Variants in EMC3 observed in about 807,000 individuals in gnomAD.
EMC3 encodes 30 kDa protein.
EMC3 carries 13 observed loss-of-function variants against 36.6 expected under a neutral mutation model. The ratio of observed to expected loss-of-function variants is 0.35; its 90% CI spans 0.23 to 0.56. The LOEUF (loss-of-function observed/expected upper bound fraction) is 0.56, where lower values mean the gene tolerates loss of function less well. EMC3 is among the 20% of genes least tolerant of loss of function. EMC3 has a pLI of 0.84. For missense variants in EMC3, 220 were observed against 324.5 expected (o/e 0.68, Z 2.47); for synonymous variants, 120 against 111.9 (o/e 1.07, Z -0.46).
chr3:9,984,803 A>T (rs1321257475), intron 1 of EMC3, among the ~76,000 whole-genome samples: 1 of 152,200 alleles, frequency 6.6e-6, no homozygotes, highest in Non-Finnish European at 1.5e-5. Flanking sequence ...GAAAAAGCCC[A>T]ATACCCAGAA....
At chr3:10,007,479 T>C (rs756150567) in intron 1 of EMC3, 23 of 1,367,638 alleles carry the variant, frequency 1.7e-5, no homozygotes, top group Non-Finnish European at 2.2e-5. Context: ...TAGTGTGGCA[T>C]TGGCCTTTCT....
chr3:9,979,163 A>G (rs1434268415), intron 1 of EMC3, among the ~76,000 whole-genome samples: 1 of 152,154 alleles, frequency 6.6e-6, no homozygotes, highest in Non-Finnish European at 1.5e-5. Context: ...CATGTAATAC[A>G]TTCTGCTCCC....
intron 1 of EMC3, among the ~76,000 whole-genome samples, chr3:9,982,170 G>A (rs769812215): frequency 1.5e-4 from 22 of 151,536 alleles, no homozygotes; most frequent in Middle Eastern, 6.8e-3. Context: ...GCCTTGTCTC[G>A]AACTCCTGAC....
intron 1 of EMC3, among the ~76,000 whole-genome samples, chr3:10,008,028 G>T (rs1360846469): frequency 4.6e-5 from 7 of 152,098 alleles, no homozygotes; most frequent in African/African-American, 7.2e-5. Flanking sequence ...TCCACATTGG[G>T]GATGAAGGTC....
intron 1 of EMC3, among the ~76,000 whole-genome samples, chr3:9,985,254 G>A (rs1325426842): frequency 6.6e-6 from 1 of 152,204 alleles, no homozygotes; most frequent in Non-Finnish European, 1.5e-5. Flanking sequence ...CTTAAGTACA[G>A]TAGAAACAAA....
At chr3:9,965,276 GGT>G (rs1411583450) in intron 7 of EMC3, among the ~76,000 whole-genome samples, 1 of 151,876 alleles carries the variant, frequency 6.6e-6, no homozygotes, top group Admixed American at 6.6e-5. Context: ...TGGGTGTGGT[GGT>G]GTGTGCCTGT....
intron 1 of EMC3, among the ~76,000 whole-genome samples, chr3:9,978,946 C>T (rs929254564): frequency 6.6e-6 from 1 of 152,234 alleles, no homozygotes; most frequent in Non-Finnish European, 1.5e-5. Context: ...CCCTGTCACA[C>T]TACACATATT....
At chr3:9,978,586 C>T (rs1325567705) in intron 1 of EMC3, among the ~76,000 whole-genome samples, 1 of 152,072 alleles carries the variant, frequency 6.6e-6, no homozygotes, top group Non-Finnish European at 1.5e-5. Context: ...AATCCCAGCA[C>T]TTTGGGAGGC....
At chr3:9,999,667 TCA>T (rs2124935388) in intron 1 of EMC3, among the ~76,000 whole-genome samples, 1 of 152,228 alleles carries the variant, frequency 6.6e-6, no homozygotes, top group East Asian at 1.9e-4. Flanking sequence ...CCATTCCCAA[TCA>T]CAAATACGCA....
intron 1 of EMC3, among the ~76,000 whole-genome samples, chr3:9,992,435 C>G (rs573920200): frequency 1.2e-3 from 190 of 152,254 alleles, no homozygotes; most frequent in African/African-American, 4.3e-3. Context: ...CTGGCTTATC[C>G]TTTTTGATGA....
chr3:9,983,180 T>C, intron 1 of EMC3, among the ~76,000 whole-genome samples: 1 of 151,722 alleles, frequency 6.6e-6, no homozygotes, highest in East Asian at 1.9e-4. Context: ...CAGAGCCTCC[T>C]TCTGTGGCCC....
intron 1 of EMC3, among the ~76,000 whole-genome samples, chr3:10,005,853 G>A (rs1038773306): frequency 6.6e-6 from 1 of 152,162 alleles, no homozygotes; most frequent in African/African-American, 2.4e-5. Flanking sequence ...GAGAGGAAGT[G>A]CTCCACCATC....
chr3:9,998,462 C>T (rs1268268413), intron 1 of EMC3, among the ~76,000 whole-genome samples: 2 of 149,280 alleles, frequency 1.3e-5, no homozygotes, highest in African/African-American at 4.9e-5. Context: ...TAGGATCTTG[C>T]TCTGTCACCC....
chr3:10,005,649 A>G (rs532328621), intron 1 of EMC3, among the ~76,000 whole-genome samples: 1 of 152,280 alleles, frequency 6.6e-6, no homozygotes, highest in Admixed American at 6.5e-5. Flanking sequence ...ACTGTAACTG[A>G]TGAAAAATCC....
In EMC3 at chr3:9,984,222, C is replaced by T. The variant is rs561630288; in HGVS notation, c.155+2285G>A. 4.9e-4 allele frequency among the ~76,000 whole-genome samples: 74 copies of T among 152,138 alleles called. 1 individual carries two copies. In the South Asian group the frequency reaches 0.01, roughly 21 times the overall value. On this transcript the variant is annotated intron_variant, in intron 1 of 7. Coordinates refer to ENST00000245046, the MANE Select transcript of EMC3 (RefSeq NM_001394674.1). The stretch of plus-strand genomic sequence containing the variant: ...TCAGCCTCCCGAGTAGCTGGGACTA[C>T]AGGCACGTGCCATCACGCCCAGCTA...
At chr3:9,977,507 G>A in intron 1 of EMC3, 61 bp from the exon 2 acceptor site, 1 of 1,485,258 alleles carries the variant, frequency 6.7e-7, no homozygotes, top group Admixed American at 1.8e-5. Flanking sequence ...GAAAATGGGA[G>A]AGTCAAGTAG....
chr3:9,969,490 G>T, intron 7 of EMC3: 1 of 1,418,418 alleles, frequency 7.1e-7, no homozygotes, highest in South Asian at 1.5e-5. Flanking sequence ...TGATAGTGTG[G>T]ATTAAATTCC....
chr3:10,008,153 C>T (rs560741449), intron 1 of EMC3: 5 of 325,356 alleles, frequency 1.5e-5, no homozygotes, highest in South Asian at 1.2e-4. Context: ...TCTGTCCCTC[C>T]ACCTTGCTGC....
Position 9,962,992 on chromosome 3 carries a change from T to C in EMC3, c.*1077A>G, listed in dbSNP as rs902346519. 4.6e-5 allele frequency: 7 copies of C among 152,332 alleles called. No homozygotes were observed. Among genetic ancestry groups the C allele is most frequent in the African/African-American group, 1.7e-4 (7 of 41,586 alleles). The allele number at this position is 152,332 out of a possible 1,614,324, so 9.4% of individuals were successfully genotyped here. A position where few individuals can be genotyped will look rare whatever the true frequency, so the allele number is the denominator to read the frequency against. On this transcript the variant is annotated 3_prime_UTR_variant, in exon 8 of 8. Coordinates refer to ENST00000245046, the MANE Select transcript of EMC3 (RefSeq NM_001394674.1). The stretch of plus-strand genomic sequence containing the variant: ...ATTTGTCAATGGATTTGATAAGATT[T>C]GATACACTGACATCCAGATCAAGAT...
Sources: gnomAD v4.1 joint callset for allele counts (sites outside exome capture counted in the v4.1 genomes callset) on GRCh38, gnomAD v4.1.1 for gene constraint, MANE v1.5 for transcripts, NCBI Gene and HGNC (gene_info 2026-07-23, HGNC 2026-07-21) for gene names.